Variants in VPS13B observed in about 807,000 individuals in gnomAD.
VPS13B encodes intermembrane lipid transfer protein VPS13B.
In VPS13B, 285 loss-of-function variants were observed where a neutral mutation model predicts 426.4. The observed-to-expected ratio is 0.67, with a 90% CI of 0.61 to 0.74. VPS13B has a LOEUF of 0.74. Ranked by LOEUF, VPS13B falls within the 30% of genes least tolerant of loss-of-function variation. The pLI, the probability that VPS13B is intolerant of heterozygous loss-of-function variation, is 0.00. For synonymous variants in VPS13B, 1,676 were observed against 1,676.4 expected, an observed-to-expected ratio of 1.00 and a Z score of 0.01; for missense variants, 4,537 against 4,782.6, an observed-to-expected ratio of 0.95 and a Z score of 1.51.
chr8:99,237,340 A>G (rs1816699997), intron 17 of VPS13B, among the ~76,000 whole-genome samples: 1 of 152,198 alleles, frequency 6.6e-6, no homozygotes, highest in African/African-American at 2.4e-5. Context: ...AAATGCAAAA[A>G]CTACTATAAA....
Position 99,438,993 on chromosome 8 carries a change from A to G in VPS13B, c.3211-3408A>G, listed in dbSNP as rs552667922. ...ACGTTTAGGTAACACTTACTGTGTT[A>G]AATATATATATCAATGCTATAATTT... On this transcript the variant is annotated intron_variant, in intron 22 of 61. Transcript: ENST00000357162. 3.3e-5 allele frequency among the ~76,000 whole-genome samples: 5 copies of G among 152,260 alleles called. No homozygotes were observed. In the South Asian group the frequency reaches 6.2e-4, roughly 19 times the overall value.
intron 8 of VPS13B, 136 bp downstream of exon 8, chr8:99,121,581 A>G (rs143119620): frequency 2.0e-5 from 30 of 1,464,044 alleles, no homozygotes; most frequent in Non-Finnish European, 2.3e-5. Context: ...TTCTTACTTC[A>G]TAAAATTACA....
chr8:99,829,267 C>T (rs992272051), intron 51 of VPS13B, among the ~76,000 whole-genome samples: 5 of 152,160 alleles, frequency 3.3e-5, no homozygotes, highest in Non-Finnish European at 7.3e-5. Flanking sequence ...TTCACATAGT[C>T]CCATATTTCT....
chr8:99,514,818 G>T (rs1377899997), intron 29 of VPS13B, among the ~76,000 whole-genome samples: 1 of 152,116 alleles, frequency 6.6e-6, no homozygotes, highest in Non-Finnish European at 1.5e-5. Context: ...GGAATTTTTA[G>T]GTCCCGTGGT....
At chr8:99,451,796 G>T (rs1818208523) in intron 23 of VPS13B, among the ~76,000 whole-genome samples, 1 of 152,196 alleles carries the variant, frequency 6.6e-6, no homozygotes, top group Non-Finnish European at 1.5e-5. Context: ...ATTAAAGAAT[G>T]AAGTAGAGTT....
chr8:99,147,902 T>C lies in VPS13B; in HGVS notation c.1905T>C (p.Tyr635=), dbSNP rs1429898928. ...NPEEVALLEE[Y]IPTRHTSVTL... ...AAGAGGTGGCTCTTCTGGAGGAATA[T>C]ATTCCTACTCGACATACAAGTGTTA... The change falls in exon 14 of 62, where the codon TAT becomes TAC. Residue 635 remains tyrosine, a synonymous_variant. Transcript: ENST00000357162. 1 of 1,612,910 alleles carries C rather than the reference T, an allele frequency of 6.2e-7. No individual in the cohort carries two copies. The highest frequency in any genetic ancestry group is 8.5e-7 in the Non-Finnish European group (1 of 1,179,582).
intron 8 of VPS13B, among the ~76,000 whole-genome samples, chr8:99,126,723 C>T (rs1271046784): frequency 6.6e-6 from 1 of 152,148 alleles, no homozygotes; most frequent in Non-Finnish European, 1.5e-5. Context: ...TTGAACAATG[C>T]TGATGTAAAT....
intron 19 of VPS13B, among the ~76,000 whole-genome samples, chr8:99,326,482 T>TTTTTTTTTTTTTTA (rs1810282664): frequency 1.6e-5 from 2 of 125,972 alleles, no homozygotes; most frequent in Non-Finnish European, 3.3e-5. Flanking sequence ...TTTTTTTTTT[T>TTTTTTTTTTTTTTA]GAGACAGAAT....
chr8:99,870,659 C>CAAAG, intron 59 of VPS13B, 126 bp from the exon 60 acceptor site: 1 of 837,298 alleles, frequency 1.2e-6, no homozygotes, highest in Non-Finnish European at 2.0e-6. Flanking sequence ...CGCTTGCTTC[C>CAAAG]AAAGATGTGA....
intron 19 of VPS13B, among the ~76,000 whole-genome samples, chr8:99,305,534 G>A (rs1820591435): frequency 1.3e-5 from 2 of 152,024 alleles, no homozygotes; most frequent in Admixed American, 1.3e-4. Flanking sequence ...AGGGATTACT[G>A]TGTCTTTATT....
intron 23 of VPS13B, among the ~76,000 whole-genome samples, chr8:99,467,102 T>G (rs1819149720): frequency 1.3e-5 from 2 of 152,112 alleles, no homozygotes; most frequent in South Asian, 4.1e-4. Context: ...GCCTCCAGGG[T>G]TTGCATACGT....
chr8:99,166,507 A>G (rs1812011805), intron 15 of VPS13B, among the ~76,000 whole-genome samples: 2 of 152,190 alleles, frequency 1.3e-5, no homozygotes, highest in African/African-American at 4.8e-5. Flanking sequence ...TTTATTGTTT[A>G]GGAATTAACT....
chr8:99,281,688 C>T (rs1292728384), intron 19 of VPS13B, among the ~76,000 whole-genome samples: 1 of 152,174 alleles, frequency 6.6e-6, no homozygotes, highest in African/African-American at 2.4e-5. Flanking sequence ...ACTTGGGATC[C>T]TTGTCTTCTG....
At chr8:99,306,210 C>G (rs1292356218) in intron 19 of VPS13B, among the ~76,000 whole-genome samples, 2 of 151,932 alleles carry the variant, frequency 1.3e-5, no homozygotes, top group Middle Eastern at 3.4e-3. Context: ...ACTATGTGGG[C>G]AGGATAAATA....
At chr8:99,388,066 A>G (rs1445762704) in intron 20 of VPS13B, among the ~76,000 whole-genome samples, 1 of 152,232 alleles carries the variant, frequency 6.6e-6, no homozygotes, top group Admixed American at 6.5e-5. Flanking sequence ...AAAATTATAC[A>G]ATAGACCTTA....
rs151234999 is a variant in VPS13B, at chr8:99,840,127, C to A, written c.9942+4389C>A. On this transcript the variant is annotated intron_variant, in intron 54 of 61. Transcript: ENST00000357162. ...TGTTCCCTTTTAAAAATCTGGCAGC[C>A]GGAATTACACACAGTATTCCAAATG... Among the ~76,000 whole-genome samples the A allele has an allele frequency of 8.5e-5, 13 of 152,330 alleles. No homozygotes were observed. The East Asian group carries it at 2.5e-3, about 29-fold the overall frequency.
In VPS13B at chr8:99,136,669, C is replaced by T; in HGVS notation, c.1568C>T (p.Thr523Ile). The T allele has an allele frequency of 1.2e-6, 2 of 1,613,482 alleles. No homozygotes were observed. Among genetic ancestry groups the T allele is most frequent in the African/African-American group, 1.3e-5 (1 of 75,014 alleles). Residue 523 changes from threonine (T) to isoleucine (I), a missense_variant, in exon 12 of 62, where the codon ACA (threonine) becomes ATA (isoleucine). Physicochemically the swap from Thr to Ile is moderately conservative, Grantham distance 89. This residue lies in a region of VPS13B where 4,311 missense variants were observed against 4,474.3 expected (regional missense o/e 0.96). Coordinates refer to ENST00000357162, the MANE Select transcript of VPS13B (RefSeq NM_152564.5). ...FILDSTHHKE[T>I]YTEIAGMQRF... ...TTTGCATTGCTTTGTTGGCAGGAGA[C>T]ATACACTGAGATAGCTGGAATGCAA...
chr8:99,249,270 T>C (rs1195372146), intron 17 of VPS13B, among the ~76,000 whole-genome samples: 4 of 152,218 alleles, frequency 2.6e-5, no homozygotes, highest in African/African-American at 9.6e-5. Context: ...TTAAATCATT[T>C]ATCTGTTGAA....
Position 99,640,049 on chromosome 8 carries a change from GAGAAAAGAAAAGAAAAGAAA to G in VPS13B, c.5221-1717_5221-1698del, listed in dbSNP as rs563436577. ...ATAAGAAGAAGAAGAAGAAGAAGAA[GAGAAAAGAAAAGAAAAGAAA>G]AGAAAAGAAAAGAAAAGAAAAGAAA... is the stretch of plus-strand genomic sequence containing the variant. On this transcript the variant is annotated intron_variant, in intron 33 of 61. Coordinates refer to ENST00000357162, the MANE Select transcript of VPS13B (RefSeq NM_152564.5). 3.0e-3 allele frequency among the ~76,000 whole-genome samples: 294 copies of G among 99,628 alleles called. 1 individual carries two copies. The highest frequency in any genetic ancestry group is 7.9e-3 in the South Asian group (22 of 2,802). 65.4% of individuals were successfully genotyped at this position (99,628 alleles called of 152,430 possible). A position where few individuals can be genotyped will look rare whatever the true frequency, so the allele number is the denominator to read the frequency against.
Sources: allele counts gnomAD v4.1 joint callset (sites outside exome capture counted in the v4.1 genomes callset), GRCh38; gene constraint gnomAD v4.1.1; regional missense constraint gnomAD v4.1.1; transcripts MANE v1.5; gene names NCBI Gene and HGNC (gene_info 2026-07-23, HGNC 2026-07-21).